Variants in PLSCR5 observed in about 807,000 individuals in gnomAD.
PLSCR5 encodes phospholipid scramblase family, member 5.
Under a neutral mutation model 33.6 loss-of-function variants are expected in PLSCR5, and 44 were observed. The ratio of observed to expected loss-of-function variants is 1.31; its 90% CI spans 1.03 to 1.69. PLSCR5 has a LOEUF of 1.69. Ranked by LOEUF, PLSCR5 falls within the 40% of genes most tolerant of loss-of-function variation. PLSCR5 has a pLI of 0.00. For synonymous variants in PLSCR5, 148 were observed against 112.3 expected, an observed-to-expected ratio of 1.32 and a Z score of -2.01; for missense variants, 375 against 318.7, an observed-to-expected ratio of 1.18 and a Z score of -1.34.
downstream of PLSCR5, among the ~76,000 whole-genome samples, chr3:146,582,146 T>C (rs1019378308): frequency 6.6e-6 from 1 of 152,174 alleles, no homozygotes; most frequent in Admixed American, 6.5e-5. Context: ...AGAGAGTAGG[T>C]AGGAAGAAAC....
chr3:146,588,127 A>C (rs953962422), intron 6 of PLSCR5, among the ~76,000 whole-genome samples: 5 of 152,106 alleles, frequency 3.3e-5, no homozygotes, highest in African/African-American at 1.2e-4. Flanking sequence ...CCATGACACA[A>C]ACTGAAATTA....
chr3:146,583,947 A>G (rs759253883), downstream of PLSCR5, among the ~76,000 whole-genome samples: 7 of 152,230 alleles, frequency 4.6e-5, no homozygotes, highest in Non-Finnish European at 8.8e-5. Context: ...CTTATATTTT[A>G]GAAACCAAAA....
downstream of PLSCR5, among the ~76,000 whole-genome samples, chr3:146,584,715 A>G (rs1398579677): frequency 1.3e-5 from 2 of 152,232 alleles, no homozygotes; most frequent in East Asian, 1.9e-4. Context: ...TTTCATTTTT[A>G]TGTTATACAG....
At chr3:146,590,987 G>GTT (rs376959020) in intron 5 of PLSCR5, among the ~76,000 whole-genome samples, 50 of 88,088 alleles carry the variant, frequency 5.7e-4, no homozygotes, top group African/African-American at 1.7e-3. Context: ...CGAGAATAAG[G>GTT]TTTTTTTTTG....
intron 5 of PLSCR5, chr3:146,590,470 A>G (rs979983622): frequency 2.6e-5 from 4 of 152,046 alleles, no homozygotes; most frequent in Non-Finnish European, 5.9e-5. Context: ...CCAACTAGAC[A>G]TCAATCAGTC....
intron 1 of PLSCR5, among the ~76,000 whole-genome samples, chr3:146,604,232 GA>G (rs1656606360): frequency 6.6e-6 from 1 of 152,064 alleles, no homozygotes; most frequent in South Asian, 2.1e-4. Context: ...ACAATGAAAT[GA>G]AAGCACATTA....
chr3:146,586,035 T>A lies in PLSCR5; in HGVS notation c.*39A>T, dbSNP rs1576816656. On this transcript the variant is annotated 3_prime_UTR_variant, in exon 7 of 8. Coordinates refer to ENST00000443512, the MANE Select transcript of PLSCR5 (RefSeq NM_001085420.2). ...TAAACTTGCTTTTTACTTACTGAAA[T>A]ATGTTCTGCATATTTTATTGTTTTC... is the stretch of plus-strand genomic sequence containing the variant. 1.0e-5 allele frequency: 15 copies of A among 1,464,684 alleles called. 1 individual carries two copies. The East Asian group carries it at 4.1e-4, about 40-fold the overall frequency. 90.7% of individuals were successfully genotyped at this position (1,464,684 alleles called of 1,614,324 possible).
At chr3:146,598,046 A>C (rs1409479254) in intron 2 of PLSCR5, among the ~76,000 whole-genome samples, 1 of 152,172 alleles carries the variant, frequency 6.6e-6, no homozygotes, top group East Asian at 1.9e-4. Flanking sequence ...TCTTAGATTT[A>C]ATGTACATTA....
rs184469901 is a variant in PLSCR5, at chr3:146,600,238, A to G, written c.189+50T>C. 1.0e-5 allele frequency: 13 copies of G among 1,241,794 alleles called. No homozygotes were observed. The African/African-American group carries it at 2.0e-4, about 19-fold the overall frequency. The allele number at this position is 1,241,794 out of a possible 1,614,324, so 76.9% of individuals were successfully genotyped here. ...TTGAAAAGCCAGAAAGAAAGTTTGTATTAATTTTAAGGGTAGAACATATCT... is the reference window on the plus strand; with the variant it reads ...TTGAAAAGCCAGAAAGAAAGTTTGTGTTAATTTTAAGGGTAGAACATATCT... On this transcript the variant is annotated intron_variant, in intron 2 of 7. Transcript: ENST00000443512.
chr3:146,601,160 T>C (rs552811678), intron 1 of PLSCR5, among the ~76,000 whole-genome samples: 2 of 151,922 alleles, frequency 1.3e-5, no homozygotes, highest in South Asian at 4.1e-4. Flanking sequence ...CAGGTAAATA[T>C]GTTACCATTT....
intron 2 of PLSCR5, among the ~76,000 whole-genome samples, chr3:146,599,053 C>A (rs934887136): frequency 2.0e-5 from 3 of 152,170 alleles, no homozygotes; most frequent in African/African-American, 7.2e-5. Flanking sequence ...CTGAAAATTG[C>A]AGCAGATGTG....
At chr3:146,596,631 C>A (rs1405658271) in intron 2 of PLSCR5, among the ~76,000 whole-genome samples, 1 of 152,128 alleles carries the variant, frequency 6.6e-6, no homozygotes, top group Non-Finnish European at 1.5e-5. Context: ...TCACCATATT[C>A]TCCCTTCGCA....
intron 6 of PLSCR5, among the ~76,000 whole-genome samples, chr3:146,589,167 G>A (rs2044688754): frequency 6.6e-6 from 1 of 152,134 alleles, no homozygotes; most frequent in Non-Finnish European, 1.5e-5. Context: ...TAGTATCTTA[G>A]AAATAATGGC....
At chr3:146,594,520 G>T (rs1200718670) in intron 3 of PLSCR5, among the ~76,000 whole-genome samples, 3 of 151,986 alleles carry the variant, frequency 2.0e-5, no homozygotes, top group African/African-American at 7.2e-5. Flanking sequence ...TAAAATATTT[G>T]TCTGGTAATA....
At chr3:146,585,789 C>G (rs1301806842), downstream of PLSCR5, 1 of 213,428 alleles carries the variant, frequency 4.7e-6, no homozygotes, top group Non-Finnish European at 9.2e-6. Flanking sequence ...ACCTTGTGCT[C>G]AGGCCAGTAA....
chr3:146,588,713 T>A (rs1277596663), intron 6 of PLSCR5, among the ~76,000 whole-genome samples: 1 of 152,172 alleles, frequency 6.6e-6, no homozygotes, highest in African/African-American at 2.4e-5. Context: ...ATAAAGTCTG[T>A]AGATTAGATA....
At position 146,589,671 on chromosome 3, in the gene PLSCR5, G is replaced by A. The variant is rs954746064; in HGVS notation, c.759C>T (p.Ile253=). 9 of 1,590,168 alleles carry A rather than the reference G, an allele frequency of 5.7e-6. No individual in the cohort carries two copies. Among genetic ancestry groups the A allele is most frequent in the Admixed American group, 1.7e-5 (1 of 58,464 alleles). ...DLDVTVKAAM[I]GACFLFDFMF... is the part of the protein sequence containing the mutation. ...TACTTACAAAGAGAAAACAGGCACCGATCATTGCTGCTTTGACTGTTACAT... is the reference window on the plus strand; with the variant it reads ...TACTTACAAAGAGAAAACAGGCACCAATCATTGCTGCTTTGACTGTTACAT... The change falls in exon 6 of 8, where the codon ATC becomes ATT. Residue 253 remains isoleucine (I), a synonymous_variant. Transcript: ENST00000443512.
chr3:146,586,206 T>C, intron 6 of PLSCR5, 94 bp from the exon 7 acceptor site: 1 of 1,206,918 alleles, frequency 8.3e-7, no homozygotes. Context: ...TGTAAAGCAA[T>C]TATATTTCCA....
downstream of PLSCR5, among the ~76,000 whole-genome samples, chr3:146,584,618 A>C (rs900683784): frequency 6.6e-6 from 1 of 152,152 alleles, no homozygotes; most frequent in Non-Finnish European, 1.5e-5. Flanking sequence ...TTGCATGCCA[A>C]AGGAGGGGGT....
Sources: allele counts gnomAD v4.1 joint callset (sites outside exome capture counted in the v4.1 genomes callset), GRCh38; gene constraint gnomAD v4.1.1; transcripts MANE v1.5; gene names NCBI Gene and HGNC (gene_info 2026-07-23, HGNC 2026-07-21).